Variants in SEZ6L observed in about 807,000 individuals in gnomAD.
SEZ6L encodes the protein seizure 6-like protein.
SEZ6L carries 37 observed loss-of-function variants against 106.2 expected under a neutral mutation model. That is an observed-to-expected ratio of 0.35 (90% CI 0.27 to 0.46). SEZ6L has a LOEUF of 0.46. SEZ6L is among the 20% of genes least tolerant of loss of function. The pLI is 1.00. For missense variants in SEZ6L, 1,172 were observed against 1,332.8 expected, an observed-to-expected ratio of 0.88 and a Z score of 1.88; for synonymous variants, 541 against 570.4, an observed-to-expected ratio of 0.95 and a Z score of 0.73.
chr22:26,309,659 A>G, intron 6 of SEZ6L, among the ~76,000 whole-genome samples: 1 of 152,136 alleles, frequency 6.6e-6, no homozygotes, highest in Non-Finnish European at 1.5e-5. Context: ...GCTCACTGCA[A>G]TCTCTGGCTT....
At chr22:26,305,181 T>C (rs575483062) in intron 5 of SEZ6L, among the ~76,000 whole-genome samples, 11 of 152,364 alleles carry the variant, frequency 7.2e-5, no homozygotes, top group African/African-American at 2.6e-4. Context: ...TGGCACATGA[T>C]GTATTTCACT....
intron 13 of SEZ6L, among the ~76,000 whole-genome samples, chr22:26,366,251 T>C (rs1485873290): frequency 2.0e-5 from 3 of 151,796 alleles, no homozygotes; most frequent in African/African-American, 4.8e-5. Flanking sequence ...AGAGAATCAC[T>C]TGAATCCAGG....
intron 1 of SEZ6L, among the ~76,000 whole-genome samples, chr22:26,278,343 A>G (rs2080622520): frequency 6.6e-6 from 1 of 152,206 alleles, no homozygotes; most frequent in African/African-American, 2.4e-5. Flanking sequence ...TTACATGAAT[A>G]TATTGCATAA....
chr22:26,316,923 A>G lies in SEZ6L; in HGVS notation c.2015+3021A>G, dbSNP rs574366710. ...GAAAGAAGAAAGAAAGAAAGAAAGA[A>G]AAAGAAAGAAAGAAAAGAAAGAAAG... is the stretch of plus-strand genomic sequence containing the variant. On this transcript the variant is annotated intron_variant, in intron 9 of 16. Coordinates refer to ENST00000248933, the MANE Select transcript of SEZ6L (RefSeq NM_021115.5). 2.5e-4 allele frequency among the ~76,000 whole-genome samples: 37 copies of G among 150,294 alleles called. No homozygotes were observed. In the East Asian group the frequency reaches 7.0e-3, roughly 29 times the overall value.
At chr22:26,373,256 A>C (rs1214049560) in intron 13 of SEZ6L, among the ~76,000 whole-genome samples, 195 bp from the exon 14 acceptor site, 3 of 152,228 alleles carry the variant, frequency 2.0e-5, no homozygotes, top group African/African-American at 7.2e-5. Flanking sequence ...TATCTATCTC[A>C]TCTTCTCTTG....
intron 5 of SEZ6L, among the ~76,000 whole-genome samples, chr22:26,304,420 GAAAGAAAGAAAA>G (rs937466400): frequency 4.2e-5 from 6 of 142,932 alleles, no homozygotes; most frequent in African/African-American, 1.3e-4. Context: ...AAGAAAGAAA[GAAAGAAAGAAAA>G]AGAAAGGAAA....
At chr22:26,210,949 G>A (rs1025628665) in intron 1 of SEZ6L, among the ~76,000 whole-genome samples, 1 of 152,192 alleles carries the variant, frequency 6.6e-6, no homozygotes, top group Non-Finnish European at 1.5e-5. Context: ...CAATTGGCTG[G>A]GGTAGAGTAG....
chr22:26,239,002 C>G (rs759867698), intron 1 of SEZ6L, among the ~76,000 whole-genome samples: 12 of 152,220 alleles, frequency 7.9e-5, no homozygotes, highest in Non-Finnish European at 1.6e-4. Context: ...GTAAGAGGAT[C>G]ACCTGAGGCC....
At position 26,370,349 on chromosome 22, in the gene SEZ6L, C is replaced by T. The variant is rs544047745; in HGVS notation, c.2795-3102C>T. Among the ~76,000 whole-genome samples, 213 of 152,130 alleles carry T rather than the reference C, an allele frequency of 1.4e-3. 2 individuals carry two copies. Among genetic ancestry groups the T allele is most frequent in the Non-Finnish European group, 2.6e-3 (174 of 68,004 alleles). On this transcript the variant is annotated intron_variant, in intron 13 of 16. Coordinates refer to ENST00000248933, the MANE Select transcript of SEZ6L (RefSeq NM_021115.5). ...GCGGTGAGCTGAGATCGAGCCACTGCACTCCAGCCTGGGTGACAGAACGAC... is the reference window on the plus strand; with the variant it reads ...GCGGTGAGCTGAGATCGAGCCACTGTACTCCAGCCTGGGTGACAGAACGAC...
chr22:26,238,699 A>G (rs1345975959), intron 1 of SEZ6L, among the ~76,000 whole-genome samples: 1 of 152,206 alleles, frequency 6.6e-6, no homozygotes, highest in African/African-American at 2.4e-5. Context: ...TTGCTTAATG[A>G]GATGATAGGT....
intron 5 of SEZ6L, among the ~76,000 whole-genome samples, chr22:26,303,490 T>C (rs1441782174): frequency 2.0e-5 from 3 of 152,232 alleles, no homozygotes; most frequent in Admixed American, 6.5e-5. Flanking sequence ...TAGCAGGTTA[T>C]CATAAATAAG....
At chr22:26,306,239 A>T (rs990550839) in intron 6 of SEZ6L, 95 bp downstream of exon 6, 10 of 1,394,192 alleles carry the variant, frequency 7.2e-6, no homozygotes, top group Middle Eastern at 1.8e-4. Context: ...TGAAGCTTTG[A>T]CCCTCGGAAT....
In SEZ6L at chr22:26,381,371, A is replaced by T. The variant is rs918192286; in HGVS notation, c.*1076A>T. 2 of 152,210 alleles carry T rather than the reference A, an allele frequency of 1.3e-5. No individual in the cohort carries two copies. The highest frequency in any genetic ancestry group is 3.9e-4 in the East Asian group (2 of 5,190). The allele number at this position is 152,210 out of a possible 1,614,324, so 9.4% of individuals were successfully genotyped here. A position where few individuals can be genotyped will look rare whatever the true frequency, so the allele number is the denominator to read the frequency against. Reference sequence around the variant, plus strand: ...GTGTCATCTTCAGAATATACTTGCCATCAAGTATTTCAGGGGGCGGGAGGG... The same window carrying T: ...GTGTCATCTTCAGAATATACTTGCCTTCAAGTATTTCAGGGGGCGGGAGGG... On this transcript the variant is annotated 3_prime_UTR_variant, in exon 17 of 17. Transcript: ENST00000248933.
intron 1 of SEZ6L, among the ~76,000 whole-genome samples, chr22:26,232,496 A>G (rs1380545415): frequency 1.3e-5 from 2 of 152,202 alleles, no homozygotes; most frequent in African/African-American, 4.8e-5. Context: ...TGTGCCGCAT[A>G]ACAACATTTC....
intron 1 of SEZ6L, among the ~76,000 whole-genome samples, chr22:26,266,280 G>A (rs1327048701): frequency 1.3e-5 from 2 of 152,010 alleles, no homozygotes; most frequent in African/African-American, 4.8e-5. Flanking sequence ...ATAAAAAGCA[G>A]CTGGGCACGG....
At chr22:26,187,619 C>T (rs1939869060) in intron 1 of SEZ6L, among the ~76,000 whole-genome samples, 1 of 152,096 alleles carries the variant, frequency 6.6e-6, no homozygotes, top group African/African-American at 2.4e-5. Flanking sequence ...CTCTGTTGCT[C>T]CCCCATAGTG....
intron 10 of SEZ6L, among the ~76,000 whole-genome samples, chr22:26,341,555 T>G (rs903847051): frequency 6.6e-6 from 1 of 152,174 alleles, no homozygotes; most frequent in Non-Finnish European, 1.5e-5. Flanking sequence ...GGTTCATACT[T>G]ACAACCTTGA....
At chr22:26,270,833 C>T (rs149472878) in intron 1 of SEZ6L, among the ~76,000 whole-genome samples, 157 of 152,278 alleles carry the variant, frequency 1.0e-3, no homozygotes, top group Admixed American at 1.8e-3. Context: ...GGACAACCTG[C>T]TCCCCAGCCT....
In SEZ6L at chr22:26,347,809, G is replaced by A. The variant is rs1371077826; in HGVS notation, c.2303G>A (p.Arg768Lys). The change falls in exon 11 of 17, where the codon AGA becomes AAA. Residue 768 changes from arginine to lysine, a missense_variant. Physicochemically the swap from Arg to Lys is conservative, Grantham distance 26. Coordinates refer to ENST00000248933, the MANE Select transcript of SEZ6L (RefSeq NM_021115.5). ...CACACGGAGTTGGTGCGGGGAGCCA[G>A]AATCACCTACCAGTGTGACCCCGGC... Reference protein sequence around the residue: ...TSHTELVRGARITYQCDPGYD... With the variant: ...TSHTELVRGAKITYQCDPGYD... 4 of 1,608,766 alleles carry A rather than the reference G, an allele frequency of 2.5e-6. No homozygotes were observed. The highest frequency in any genetic ancestry group is 8.5e-7 in the Non-Finnish European group (1 of 1,178,214).
Sources: gnomAD v4.1 joint callset for allele counts (sites outside exome capture counted in the v4.1 genomes callset) on GRCh38, gnomAD v4.1.1 for gene constraint, MANE v1.5 for transcripts, NCBI Gene and HGNC (gene_info 2026-07-23, HGNC 2026-07-21) for gene names.